The following ERC2 variants were observed in gnomAD, a reference collection of about 807,000 sequenced individuals.
The protein encoded by ERC2 is ELKS/RAB6-interacting/CAST family member 2, also known as ERC protein 2.
A neutral mutation model predicts 114.8 loss-of-function variants in ERC2; 42 were observed. The ratio of observed to expected loss-of-function variants is 0.37; its 90% CI spans 0.29 to 0.47. The LOEUF is 0.47. Among genes scored for constraint, ERC2 ranks in the 20% least tolerant of loss-of-function variants. The pLI is 0.99. For missense variants in ERC2, 939 were observed against 1,150.7 expected (o/e 0.82, Z 2.66); for synonymous variants, 454 against 425.5 (o/e 1.07, Z -0.82).
chr3:56,276,514 G>A (rs972989675), intron 3 of ERC2, among the ~76,000 whole-genome samples: 1 of 143,382 alleles, frequency 7.0e-6, no homozygotes, highest in African/African-American at 2.6e-5. Flanking sequence ...TAATGTCACA[G>A]CACCAAAAAA....
intron 17 of ERC2, among the ~76,000 whole-genome samples, chr3:55,611,984 C>T (rs1469626969): frequency 2.0e-5 from 3 of 152,142 alleles, no homozygotes; most frequent in Non-Finnish European, 4.4e-5. Context: ...GTCCTCAAAT[C>T]TTGTTAGAGA....
chr3:55,655,069 C>T (rs928188212), intron 17 of ERC2, among the ~76,000 whole-genome samples: 5 of 151,836 alleles, frequency 3.3e-5, no homozygotes, highest in Admixed American at 3.3e-4. Flanking sequence ...CAGCCCTCGG[C>T]CGATGACCGT....
intron 3 of ERC2, among the ~76,000 whole-genome samples, chr3:56,285,923 T>A (rs2054667828): frequency 6.6e-6 from 1 of 152,152 alleles, no homozygotes; most frequent in Non-Finnish European, 1.5e-5. Context: ...AAGTCCTAAT[T>A]CTTTTGGAGT....
chr3:55,588,783 C>A (rs1259506632), intron 17 of ERC2, among the ~76,000 whole-genome samples: 2 of 152,184 alleles, frequency 1.3e-5, no homozygotes, highest in African/African-American at 4.8e-5. Flanking sequence ...TGGCGCTTGA[C>A]TGGATCTGGG....
intron 17 of ERC2, among the ~76,000 whole-genome samples, chr3:55,573,560 GGGTA>G (rs1204479337): frequency 6.6e-6 from 1 of 152,130 alleles, no homozygotes; most frequent in African/African-American, 2.4e-5. Flanking sequence ...GGAAAGGCTG[GGGTA>G]GGTAGGTGAC....
intron 13 of ERC2, among the ~76,000 whole-genome samples, chr3:55,890,891 T>A (rs2063566636): frequency 6.6e-6 from 1 of 152,254 alleles, no homozygotes; most frequent in Admixed American, 6.5e-5. Context: ...AGTTTTAGCA[T>A]GACCACTGCT....
intron 2 of ERC2, among the ~76,000 whole-genome samples, chr3:56,370,885 C>G (rs1015158202): frequency 1.3e-5 from 2 of 152,148 alleles, no homozygotes; most frequent in African/African-American, 4.8e-5. Flanking sequence ...TGAGGCACTG[C>G]GCCCAGCCTT....
intron 2 of ERC2, among the ~76,000 whole-genome samples, chr3:56,343,082 T>A (rs1560629496): frequency 6.6e-6 from 1 of 151,938 alleles, no homozygotes; most frequent in Non-Finnish European, 1.5e-5. Context: ...TCAGGTTGAA[T>A]ATTCCTTCTC....
chr3:56,459,905 A>T (rs1026233202), intron 1 of ERC2, among the ~76,000 whole-genome samples: 1 of 152,260 alleles, frequency 6.6e-6, no homozygotes, highest in African/African-American at 2.4e-5. Context: ...TGCTTGGCAG[A>T]GTCAACATGA....
intron 8 of ERC2, among the ~76,000 whole-genome samples, chr3:56,015,089 T>C (rs2073214192): frequency 6.6e-6 from 1 of 152,212 alleles, no homozygotes; most frequent in Non-Finnish European, 1.5e-5. Flanking sequence ...TTCTCCTCCA[T>C]GGTTTTTTTA....
chr3:56,193,721 C>A (rs1423105010), intron 3 of ERC2, among the ~76,000 whole-genome samples: 1 of 152,076 alleles, frequency 6.6e-6, no homozygotes. Flanking sequence ...CTATTATTAT[C>A]CCCATTTTGC....
At chr3:55,517,263 A>C (rs1377486087) in intron 17 of ERC2, among the ~76,000 whole-genome samples, 1 of 152,030 alleles carries the variant, frequency 6.6e-6, no homozygotes, top group Non-Finnish European at 1.5e-5. Context: ...CAACATGGTG[A>C]AACCCCGTCT....
At chr3:55,689,275 G>C (rs989402185) in intron 16 of ERC2, among the ~76,000 whole-genome samples, 1 of 150,420 alleles carries the variant, frequency 6.6e-6, no homozygotes, top group Non-Finnish European at 1.5e-5. Context: ...TTTTTGCATC[G>C]TCATTATAGG....
At chr3:55,845,594 A>G (rs1180808973) in intron 14 of ERC2, among the ~76,000 whole-genome samples, 1 of 152,298 alleles carries the variant, frequency 6.6e-6, no homozygotes, top group East Asian at 1.9e-4. Flanking sequence ...GTCTAATTCT[A>G]AAAACATAAT....
In ERC2 at chr3:56,418,445, G is replaced by A. The variant is rs199820853; in HGVS notation, c.657+15906C>T. On this transcript the variant is annotated intron_variant, in intron 2 of 17. Coordinates refer to ENST00000288221, the MANE Select transcript of ERC2 (RefSeq NM_015576.3). ...CATACTACAGTCAATCCTGACACTGGAGACTGACTTTGGAGTTAGTCTGCC... is the reference window on the plus strand; with the variant it reads ...CATACTACAGTCAATCCTGACACTGAAGACTGACTTTGGAGTTAGTCTGCC... Among the ~76,000 whole-genome samples, 7 of 152,144 alleles carry A rather than the reference G, an allele frequency of 4.6e-5. No individual in the cohort carries two copies. The East Asian group carries it at 1.3e-3, about 29-fold the overall frequency.
chr3:56,089,594 T>TTA (rs397776465), intron 6 of ERC2, among the ~76,000 whole-genome samples: 7 of 152,138 alleles, frequency 4.6e-5, no homozygotes, highest in East Asian at 1.9e-4. Context: ...AGCTTTTTTT[T>TTA]AATACTTTTA....
At chr3:55,694,965 T>C (rs565362625) in intron 16 of ERC2, among the ~76,000 whole-genome samples, 7 of 152,160 alleles carry the variant, frequency 4.6e-5, no homozygotes, top group Non-Finnish European at 8.8e-5. Flanking sequence ...TGGGAGCCAA[T>C]GGAATGAGCT....
At chr3:55,974,462 G>A (rs1243100265) in intron 12 of ERC2, among the ~76,000 whole-genome samples, 2 of 152,136 alleles carry the variant, frequency 1.3e-5, no homozygotes, top group African/African-American at 4.8e-5. Flanking sequence ...ATTTCTTTTC[G>A]GCTTTGATGC....
intron 14 of ERC2, among the ~76,000 whole-genome samples, chr3:55,761,920 C>A (rs1486038487): frequency 6.8e-6 from 1 of 146,396 alleles, no homozygotes; most frequent in African/African-American, 2.5e-5. Context: ...TTCTCTCTCT[C>A]TCTGCCCCCC....
Sources: gnomAD v4.1 joint callset for allele counts (sites outside exome capture counted in the v4.1 genomes callset) on GRCh38, gnomAD v4.1.1 for gene constraint, MANE v1.5 for transcripts, NCBI Gene and HGNC (gene_info 2026-07-23, HGNC 2026-07-21) for gene names.